The following ALPK2 variants were observed in gnomAD, a reference collection of about 807,000 sequenced individuals.
ALPK2 encodes the protein alpha-protein kinase 2.
ALPK2 carries 127 observed loss-of-function variants against 163.1 expected under a neutral mutation model. That is an observed-to-expected ratio of 0.78 (90% CI 0.67 to 0.90). The LOEUF (loss-of-function observed/expected upper bound fraction) is 0.90, where lower values mean the gene tolerates loss of function less well. ALPK2 is among the 40% of genes least tolerant of loss of function. The pLI, the probability that ALPK2 is intolerant of heterozygous loss-of-function variation, is 0.00. For missense variants in ALPK2, 2,360 were observed against 2,589.6 expected (o/e 0.91, Z 1.92); for synonymous variants, 953 against 959.1 (o/e 0.99, Z 0.12).
chr18:58,546,179 G>T (rs1035182796), intron 4 of ALPK2, among the ~76,000 whole-genome samples: 3 of 152,166 alleles, frequency 2.0e-5, no homozygotes, highest in Non-Finnish European at 4.4e-5. Flanking sequence ...AAAACCTCCA[G>T]TCCTGAAACA....
chr18:58,618,715 T>C (rs2052183056), intron 1 of ALPK2, among the ~76,000 whole-genome samples: 2 of 152,376 alleles, frequency 1.3e-5, no homozygotes, highest in South Asian at 4.1e-4. Flanking sequence ...AGGAGCGTTA[T>C]TTGAATATTT....
chr18:58,615,454 A>G (rs896755396), intron 1 of ALPK2, among the ~76,000 whole-genome samples: 14 of 152,314 alleles, frequency 9.2e-5, no homozygotes, highest in Admixed American at 3.3e-4. Flanking sequence ...AAGGCATTGA[A>G]CCTACCTTCT....
chr18:58,579,942 C>T lies in ALPK2; in HGVS notation c.834G>A (p.Glu278=). ...CACCTGGGTAAATGTGTGCAGTTGC[C>T]TCAGATAGCGGGAGGCTGAAGCTAA... The part of the protein sequence containing the change: ...KYISFSLPLS[E]ATAHIYPGDS... Residue 278 remains glutamate, a synonymous_variant, in exon 4 of 13, where the codon GAG becomes GAA. Transcript: ENST00000361673. 1 of 1,614,118 alleles carries T rather than the reference C, an allele frequency of 6.2e-7. No homozygotes were observed. The highest frequency in any genetic ancestry group is 8.5e-7 in the Non-Finnish European group (1 of 1,180,022).
chr18:58,530,879 T>G (rs1164353671), intron 5 of ALPK2, among the ~76,000 whole-genome samples: 1 of 152,186 alleles, frequency 6.6e-6, no homozygotes, highest in Non-Finnish European at 1.5e-5. Context: ...ATAAAAAGTT[T>G]CTGTTGTACT....
chr18:58,521,617 TTCTC>T (rs747945619), intron 8 of ALPK2, among the ~76,000 whole-genome samples: 5 of 99,076 alleles, frequency 5.0e-5, no homozygotes, highest in Non-Finnish European at 1.1e-4. Flanking sequence ...TTTTCTTTCT[TTCTC>T]TCTCTCTTTT....
intron 3 of ALPK2, among the ~76,000 whole-genome samples, chr18:58,606,449 C>T (rs972184540): frequency 6.6e-6 from 1 of 152,202 alleles, no homozygotes; most frequent in African/African-American, 2.4e-5. Flanking sequence ...AACTCCTCTA[C>T]AATGAAACTT....
At chr18:58,511,226 G>C (rs759233746) in intron 10 of ALPK2, among the ~76,000 whole-genome samples, 16 of 152,288 alleles carry the variant, frequency 1.1e-4, no homozygotes, top group African/African-American at 3.6e-4. Flanking sequence ...TTGCATCCCA[G>C]GGATGAAGCC....
chr18:58,530,064 G>A (rs879293630), intron 5 of ALPK2, among the ~76,000 whole-genome samples: 3 of 152,196 alleles, frequency 2.0e-5, no homozygotes, highest in East Asian at 3.8e-4. Context: ...ACTCCACAGC[G>A]TTGGTAACAC....
intron 1 of ALPK2, among the ~76,000 whole-genome samples, chr18:58,623,980 C>T (rs776141100): frequency 1.3e-5 from 2 of 152,122 alleles, no homozygotes; most frequent in Non-Finnish European, 2.9e-5. Context: ...GACCTTTCTC[C>T]AAAATATCTA....
chr18:58,612,775 C>T (rs2052139836), intron 1 of ALPK2, among the ~76,000 whole-genome samples: 1 of 152,246 alleles, frequency 6.6e-6, no homozygotes, highest in South Asian at 2.1e-4. Context: ...GCTGGCTTCA[C>T]TTGGCCAGAC....
At chr18:58,542,681 G>T (rs2051695875) in intron 4 of ALPK2, among the ~76,000 whole-genome samples, 1 of 152,208 alleles carries the variant, frequency 6.6e-6, no homozygotes, top group African/African-American at 2.4e-5. Flanking sequence ...GAGAAGGTGT[G>T]GTTAGGCCAC....
chr18:58,530,552 G>A lies in ALPK2; in HGVS notation c.5354-1314C>T, dbSNP rs751957942. On this transcript the variant is annotated intron_variant, in intron 5 of 12. Coordinates refer to ENST00000361673, the MANE Select transcript of ALPK2 (RefSeq NM_052947.4). ...GTCTTTCCAACACCATGCAGTGGCC[G>A]GCTTCATGGGTGATGTGGGGACACC... is the stretch of plus-strand genomic sequence containing the variant. Among the ~76,000 whole-genome samples the A allele has an allele frequency of 5.3e-5, 8 of 152,174 alleles. No individual in the cohort carries two copies. In the East Asian group the frequency reaches 5.8e-4, roughly 11 times the overall value.
At chr18:58,602,520 A>T (rs987577908) in intron 3 of ALPK2, among the ~76,000 whole-genome samples, 3 of 151,812 alleles carry the variant, frequency 2.0e-5, no homozygotes, top group African/African-American at 7.3e-5. Flanking sequence ...TCGGCTTGCC[A>T]TTGCATCACC....
chr18:58,520,949 G>A (rs1266893630), intron 8 of ALPK2, among the ~76,000 whole-genome samples: 2 of 152,234 alleles, frequency 1.3e-5, no homozygotes, highest in Admixed American at 6.5e-5. Context: ...CCAGGAGGCC[G>A]AGGCTGCAGT....
intron 11 of ALPK2, among the ~76,000 whole-genome samples, chr18:58,503,472 G>A (rs1159890290): frequency 2.0e-5 from 3 of 152,158 alleles, no homozygotes; most frequent in Non-Finnish European, 4.4e-5. Context: ...TGGGAGGATC[G>A]CTAGAGCCCA....
intron 4 of ALPK2, among the ~76,000 whole-genome samples, chr18:58,539,590 C>T (rs964581758): frequency 1.3e-5 from 2 of 152,168 alleles, no homozygotes; most frequent in Non-Finnish European, 2.9e-5. Context: ...GTCTTTGCTC[C>T]CAGGACTCCT....
At chr18:58,491,077 G>A (rs1272642251) in intron 12 of ALPK2, among the ~76,000 whole-genome samples, 1 of 152,194 alleles carries the variant, frequency 6.6e-6, no homozygotes, top group Non-Finnish European at 1.5e-5. Flanking sequence ...GATCCCCAAA[G>A]GGCTGTGCTG....
intron 3 of ALPK2, among the ~76,000 whole-genome samples, chr18:58,593,688 G>A (rs2052027236): frequency 6.6e-6 from 1 of 151,666 alleles, no homozygotes; most frequent in Non-Finnish European, 1.5e-5. Context: ...CACCAGCCTG[G>A]CCAACATGGT....
intron 4 of ALPK2, chr18:58,543,223 T>G (rs2051699942): frequency 2.4e-6 from 1 of 409,770 alleles, no homozygotes; most frequent in Admixed American, 6.4e-5. Context: ...CTGCACAAGA[T>G]GCAGGCCCTC....
Sources: gnomAD v4.1 joint callset for allele counts (sites outside exome capture counted in the v4.1 genomes callset) on GRCh38, gnomAD v4.1.1 for gene constraint, MANE v1.5 for transcripts, NCBI Gene and HGNC (gene_info 2026-07-23, HGNC 2026-07-21) for gene names.